KIFAP3: variants seen among roughly 807,000 people sequenced by gnomAD.
The protein encoded by KIFAP3 is kinesin associated protein 3.
In KIFAP3, 68 loss-of-function variants were observed where a neutral mutation model predicts 106.5. The ratio of observed to expected loss-of-function variants is 0.64; its 90% CI spans 0.53 to 0.78. The LOEUF (loss-of-function observed/expected upper bound fraction) is 0.78. Among genes scored for constraint, KIFAP3 ranks in the 30% least tolerant of loss-of-function variants. The pLI, the probability that KIFAP3 is intolerant of heterozygous loss-of-function variation, is 0.00. For synonymous variants in KIFAP3, 320 were observed against 311.5 expected, an observed-to-expected ratio of 1.03 and a Z score of -0.29; for missense variants, 780 against 941.8, an observed-to-expected ratio of 0.83 and a Z score of 2.25.
At chr1:170,054,253 C>G (rs996500643) in intron 2 of KIFAP3, among the ~76,000 whole-genome samples, 2 of 152,146 alleles carry the variant, frequency 1.3e-5, no homozygotes, top group Non-Finnish European at 2.9e-5. Flanking sequence ...AGAAGCTCAT[C>G]ATCGGTCATT....
intron 9 of KIFAP3, among the ~76,000 whole-genome samples, chr1:170,022,262 T>C (rs1668879683): frequency 6.6e-6 from 1 of 152,102 alleles, no homozygotes. Context: ...CTCAAGTCTA[T>C]TTCTATAACA....
At chr1:170,066,397 A>G (rs970011738) in intron 1 of KIFAP3, among the ~76,000 whole-genome samples, 1 of 152,166 alleles carries the variant, frequency 6.6e-6, no homozygotes, top group Non-Finnish European at 1.5e-5. Context: ...CTAACATTAG[A>G]CTTGGTAATA....
rs143514795 is a variant in KIFAP3, at chr1:169,968,194, C to T, written c.1983+4319G>A. Among the ~76,000 whole-genome samples the T allele has an allele frequency of 5.3e-3, 803 of 151,966 alleles. 3 individuals carry two copies. Among genetic ancestry groups the T allele is most frequent in the Middle Eastern group, 0.02 (6 of 294 alleles). The stretch of plus-strand genomic sequence containing the variant: ...TCAGTATCCATAAATTCTAAAGTGT[C>T]GTGAAAGACTGATGGTTTGATTTTA... On this transcript the variant is annotated intron_variant, in intron 17 of 19. Coordinates refer to ENST00000361580, the MANE Select transcript of KIFAP3 (RefSeq NM_014970.4).
intron 8 of KIFAP3, among the ~76,000 whole-genome samples, chr1:170,025,261 A>G (rs1669045745): frequency 6.6e-6 from 1 of 152,106 alleles, no homozygotes. Flanking sequence ...CAAAAGAAAC[A>G]TTTGCTTTTT....
intron 1 of KIFAP3, among the ~76,000 whole-genome samples, chr1:170,056,916 G>A (rs966613264): frequency 9.9e-5 from 15 of 152,052 alleles, no homozygotes; most frequent in African/African-American, 3.1e-4. Flanking sequence ...TAGGAAATGA[G>A]ATATAAATAT....
chr1:169,936,826 AAGG>A (rs1026860357), intron 19 of KIFAP3, among the ~76,000 whole-genome samples: 3 of 151,500 alleles, frequency 2.0e-5, no homozygotes, highest in Admixed American at 1.3e-4. Context: ...TCTTAAAATT[AAGG>A]AGAATTCAGA....
intron 19 of KIFAP3, among the ~76,000 whole-genome samples, chr1:169,951,952 C>T (rs116155699): frequency 0.013 from 2,025 of 151,824 alleles, 51 homozygotes; most frequent in African/African-American, 0.044. Flanking sequence ...TCATCCTTTC[C>T]CAATTATGTT....
chr1:170,074,593 G>C lies in KIFAP3; in HGVS notation c.-126C>G, dbSNP rs1671851102. ...TGACAGTCCTGAGGCCTGCAAGGCG[G>C]GGCAGCAGCGGCGCTGTGGTTACCA... On this transcript the variant is annotated 5_prime_UTR_variant, in exon 1 of 20. Transcript: ENST00000361580. 4 of 1,544,768 alleles carry C rather than the reference G, an allele frequency of 2.6e-6. No individual in the cohort carries two copies. The South Asian group carries it at 4.8e-5, about 19-fold the overall frequency.
intron 7 of KIFAP3, among the ~76,000 whole-genome samples, 155 bp downstream of exon 7, chr1:170,034,217 A>G (rs1390070315): frequency 6.6e-6 from 1 of 151,914 alleles, no homozygotes; most frequent in Non-Finnish European, 1.5e-5. Flanking sequence ...GATAGTTTCA[A>G]TCTACTTCTT....
intron 17 of KIFAP3, among the ~76,000 whole-genome samples, chr1:169,963,269 C>T (rs1251846873): frequency 6.6e-6 from 1 of 152,118 alleles, no homozygotes; most frequent in Non-Finnish European, 1.5e-5. Context: ...CATGTTGCTG[C>T]AAAGGACATG....
At chr1:170,049,210 G>T (rs1036894867) in intron 2 of KIFAP3, among the ~76,000 whole-genome samples, 2 of 152,216 alleles carry the variant, frequency 1.3e-5, no homozygotes, top group African/African-American at 4.8e-5. Flanking sequence ...AGACTGGGAG[G>T]TTTGGACTGG....
At chr1:169,983,210 T>C (rs1666619106) in intron 13 of KIFAP3, 60 bp downstream of exon 13, 3 of 971,834 alleles carry the variant, frequency 3.1e-6, no homozygotes, top group Non-Finnish European at 4.8e-6. Context: ...GAGCTGTATT[T>C]CCAAATGTAG....
At chr1:169,985,524 A>T (rs1212367023) in intron 11 of KIFAP3, among the ~76,000 whole-genome samples, 2 of 152,050 alleles carry the variant, frequency 1.3e-5, no homozygotes, top group African/African-American at 4.8e-5. Flanking sequence ...AAAAGGAGAA[A>T]CTAGGGTAGA....
chr1:170,044,775 T>G (rs1206299957), intron 3 of KIFAP3, among the ~76,000 whole-genome samples: 2 of 152,182 alleles, frequency 1.3e-5, no homozygotes, highest in African/African-American at 4.8e-5. Flanking sequence ...CAGTGCCCAT[T>G]AAACAGCTCT....
At chr1:170,050,496 C>G (rs1323899050) in intron 2 of KIFAP3, among the ~76,000 whole-genome samples, 2 of 152,106 alleles carry the variant, frequency 1.3e-5, no homozygotes, top group Non-Finnish European at 2.9e-5. Context: ...CAGAGAACAC[C>G]ACTAAGATAC....
chr1:169,968,472 C>T (rs1665743688), intron 17 of KIFAP3, among the ~76,000 whole-genome samples: 1 of 151,756 alleles, frequency 6.6e-6, no homozygotes, highest in Admixed American at 6.6e-5. Flanking sequence ...TGTGGCAGCC[C>T]CCTAATTGAG....
At chr1:170,064,875 G>A (rs1008274331) in intron 1 of KIFAP3, among the ~76,000 whole-genome samples, 6 of 152,156 alleles carry the variant, frequency 3.9e-5, no homozygotes, top group Admixed American at 2.0e-4. Context: ...TGTTAATGCT[G>A]TCTTAAAGCA....
chr1:170,017,181 C>G (rs568046113), intron 9 of KIFAP3, among the ~76,000 whole-genome samples: 6 of 148,406 alleles, frequency 4.0e-5, no homozygotes, highest in Non-Finnish European at 7.4e-5. Flanking sequence ...GACCTGAACC[C>G]GGGAAACAGA....
At chr1:169,928,310 G>A (rs1663259489) in intron 19 of KIFAP3, among the ~76,000 whole-genome samples, 1 of 151,998 alleles carries the variant, frequency 6.6e-6, no homozygotes, top group East Asian at 1.9e-4. Flanking sequence ...ATCTTGGCCA[G>A]GCTGGTCTTG....
Sources: gnomAD v4.1 joint callset for allele counts (sites outside exome capture counted in the v4.1 genomes callset) on GRCh38, gnomAD v4.1.1 for gene constraint, MANE v1.5 for transcripts, NCBI Gene and HGNC (gene_info 2026-07-23, HGNC 2026-07-21) for gene names.